THSD7B: variants seen among roughly 807,000 people sequenced by gnomAD.
THSD7B encodes the protein thrombospondin type 1 domain containing 7B, also known as thrombospondin type-1 domain-containing protein 7B.
A neutral mutation model predicts 213.6 loss-of-function variants in THSD7B; 138 were observed. That is an observed-to-expected ratio of 0.65 (90% CI 0.56 to 0.74). The LOEUF (loss-of-function observed/expected upper bound fraction) is 0.74, where lower values mean the gene tolerates loss of function less well. Among genes scored for constraint, THSD7B ranks in the 30% least tolerant of loss-of-function variants. THSD7B has a pLI of 0.00. For synonymous variants in THSD7B, 742 were observed against 687.0 expected, an observed-to-expected ratio of 1.08 and a Z score of -1.25; for missense variants, 1,931 against 1,991.5, an observed-to-expected ratio of 0.97 and a Z score of 0.58.
At chr2:137,313,475 G>A (rs991251188) in intron 12 of THSD7B, among the ~76,000 whole-genome samples, 28 of 151,804 alleles carry the variant, frequency 1.8e-4, no homozygotes, top group Middle Eastern at 3.4e-3. Context: ...GCCAGTCTGT[G>A]TCTTTTAATT....
At chr2:137,106,806 G>A (rs1688262189) in intron 4 of THSD7B, among the ~76,000 whole-genome samples, 1 of 152,202 alleles carries the variant, frequency 6.6e-6, no homozygotes. Context: ...ATCGTCACTG[G>A]TCATTAGAGA....
intron 5 of THSD7B, among the ~76,000 whole-genome samples, chr2:137,131,647 CA>C (rs1156604718): frequency 6.6e-6 from 1 of 152,180 alleles, no homozygotes; most frequent in African/African-American, 2.4e-5. Context: ...ATCCTTTCCC[CA>C]TTGCTTGTTT....
chr2:137,670,966 A>AATT (rs1683559850), intron 27 of THSD7B, among the ~76,000 whole-genome samples: 1 of 151,044 alleles, frequency 6.6e-6, no homozygotes, highest in Non-Finnish European at 1.5e-5. Context: ...TGTCTTCTCT[A>AATT]ATTTCATATT....
chr2:137,514,515 T>C (rs966969923), intron 15 of THSD7B, among the ~76,000 whole-genome samples: 2 of 152,182 alleles, frequency 1.3e-5, no homozygotes, highest in African/African-American at 4.8e-5. Context: ...GAGTTAATAC[T>C]CCTTAATAAA....
intron 15 of THSD7B, among the ~76,000 whole-genome samples, chr2:137,552,456 GTTA>G (rs1254838120): frequency 6.6e-6 from 1 of 152,094 alleles, no homozygotes; most frequent in Non-Finnish European, 1.5e-5. Flanking sequence ...TCAAATTTCA[GTTA>G]TTATTTTTTT....
chr2:137,504,742 G>A (rs143176319), intron 15 of THSD7B, among the ~76,000 whole-genome samples: 2 of 152,288 alleles, frequency 1.3e-5, no homozygotes, highest in South Asian at 2.1e-4. Flanking sequence ...CTGATGAGGC[G>A]ATATCCATAT....
chr2:136,880,669 T>C lies in THSD7B; in HGVS notation c.-35-1475T>C, dbSNP rs529655785. On this transcript the variant is annotated intron_variant, in intron 1 of 27. Coordinates refer to ENST00000409968, the MANE Select transcript of THSD7B (RefSeq NM_001316349.2). ...GTCCTTTTTCATCATCTTCCTCTTA[T>C]GTAGCACATCCAGTTGTTAACCAGA... 1.8e-4 allele frequency among the ~76,000 whole-genome samples: 27 copies of C among 152,260 alleles called. No homozygotes were observed. The South Asian group carries it at 5.6e-3, about 32-fold the overall frequency.
chr2:137,468,093 C>A (rs1219175148), intron 15 of THSD7B, among the ~76,000 whole-genome samples: 2 of 152,128 alleles, frequency 1.3e-5, no homozygotes, highest in East Asian at 1.9e-4. Context: ...CCAAGTTAAA[C>A]CTTCTGTAGA....
intron 15 of THSD7B, among the ~76,000 whole-genome samples, chr2:137,529,719 AT>A (rs1054585591): frequency 2.6e-5 from 4 of 152,098 alleles, no homozygotes; most frequent in African/African-American, 9.6e-5. Context: ...GGTTAAAAAA[AT>A]CATCAGAAGA....
chr2:137,281,003 C>T (rs1682994783), intron 12 of THSD7B, among the ~76,000 whole-genome samples: 2 of 152,028 alleles, frequency 1.3e-5, no homozygotes, highest in South Asian at 2.1e-4. Flanking sequence ...ACTCTGTCAG[C>T]GACAGACTTG....
chr2:137,075,355 C>G (rs2104897482), intron 3 of THSD7B, among the ~76,000 whole-genome samples: 1 of 152,260 alleles, frequency 6.6e-6, no homozygotes, highest in South Asian at 2.1e-4. Context: ...ATCGCTGGTA[C>G]TCTTTCTTCC....
chr2:137,260,411 A>G (rs1232123432), intron 10 of THSD7B, among the ~76,000 whole-genome samples: 1 of 152,192 alleles, frequency 6.6e-6, no homozygotes, highest in Admixed American at 6.6e-5. Flanking sequence ...ACTGATGGTT[A>G]TGGAAGCTGG....
intron 2 of THSD7B, among the ~76,000 whole-genome samples, chr2:137,040,580 A>G (rs1001462718): frequency 1.3e-5 from 2 of 152,014 alleles, no homozygotes; most frequent in African/African-American, 4.8e-5. Flanking sequence ...TTTTTAGTAG[A>G]GACGGAGTTT....
intron 12 of THSD7B, among the ~76,000 whole-genome samples, chr2:137,279,458 G>T (rs950642354): frequency 2.6e-5 from 4 of 152,084 alleles, no homozygotes; most frequent in Non-Finnish European, 5.9e-5. Flanking sequence ...TGGGAGGATT[G>T]TTTGAACCTG....
At chr2:137,334,047 CCATAGACAAT>C (rs1328155503) in intron 12 of THSD7B, among the ~76,000 whole-genome samples, 3 of 152,160 alleles carry the variant, frequency 2.0e-5, no homozygotes, top group Non-Finnish European at 1.5e-5. Context: ...ATGAAAACAA[CCATAGACAAT>C]ATGTAGACAT....
intron 16 of THSD7B, among the ~76,000 whole-genome samples, chr2:137,570,599 G>A (rs1232882222): frequency 6.6e-6 from 1 of 152,162 alleles, no homozygotes; most frequent in African/African-American, 2.4e-5. Context: ...CATTAGCATA[G>A]CATGATCTAG....
At chr2:137,249,383 A>G (rs138591736) in intron 10 of THSD7B, among the ~76,000 whole-genome samples, 241 of 152,294 alleles carry the variant, frequency 1.6e-3, no homozygotes, top group Non-Finnish European at 2.0e-3. Flanking sequence ...AAGGAGGAAC[A>G]CTTACATTAG....
intron 15 of THSD7B, among the ~76,000 whole-genome samples, chr2:137,525,983 C>G (rs373103500): frequency 2.0e-5 from 3 of 152,246 alleles, no homozygotes; most frequent in Non-Finnish European, 2.9e-5. Context: ...GTCCCTGGGT[C>G]TTTGTTTCCT....
chr2:137,418,154 G>A (rs1052872758), intron 14 of THSD7B, among the ~76,000 whole-genome samples: 1 of 152,192 alleles, frequency 6.6e-6, no homozygotes, highest in South Asian at 2.1e-4. Context: ...TGTTAGAGCT[G>A]TTTCTCTCTT....
Sources: gnomAD v4.1 joint callset for allele counts (sites outside exome capture counted in the v4.1 genomes callset) on GRCh38, gnomAD v4.1.1 for gene constraint, MANE v1.5 for transcripts, NCBI Gene and HGNC (gene_info 2026-07-23, HGNC 2026-07-21) for gene names.